The following EYS variants were observed in gnomAD, a reference collection of about 807,000 sequenced individuals.
The protein encoded by EYS is EGF-like photoreceptor maintenance factor, also known as protein eyes shut homolog.
Under a neutral mutation model 282.1 loss-of-function variants are expected in EYS, and 250 were observed. The ratio of observed to expected loss-of-function variants is 0.89; its 90% CI spans 0.80 to 0.98. The LOEUF is 0.98. Among genes scored for constraint, EYS ranks in the 50% least tolerant of loss-of-function variants. EYS has a pLI of 0.00. For synonymous variants in EYS, 1,355 were observed against 1,282.9 expected, an observed-to-expected ratio of 1.06 and a Z score of -1.20; for missense variants, 4,016 against 3,709.0, an observed-to-expected ratio of 1.08 and a Z score of -2.15.
chr6:65,148,758 C>A (rs1364898411), intron 12 of EYS, among the ~76,000 whole-genome samples: 10 of 152,100 alleles, frequency 6.6e-5, no homozygotes, highest in Middle Eastern at 3.2e-3. Context: ...AAACTTCAGC[C>A]TGGACATCCA....
chr6:64,248,776 C>T (rs745782219), intron 30 of EYS, among the ~76,000 whole-genome samples: 14 of 152,034 alleles, frequency 9.2e-5, no homozygotes, highest in East Asian at 1.9e-4. Flanking sequence ...AAAGATCGGC[C>T]GGGTGCAGTG....
intron 30 of EYS, among the ~76,000 whole-genome samples, chr6:64,243,602 C>T (rs777047047): frequency 6.6e-6 from 1 of 152,162 alleles, no homozygotes; most frequent in Non-Finnish European, 1.5e-5. Flanking sequence ...GGACACATGG[C>T]CAAACTCACT....
intron 29 of EYS, among the ~76,000 whole-genome samples, chr6:64,334,649 C>A (rs754047301): frequency 6.6e-6 from 1 of 152,108 alleles, no homozygotes; most frequent in Non-Finnish European, 1.5e-5. Flanking sequence ...GACTTGCTAG[C>A]CATACAGGCA....
At chr6:65,460,615 GC>G (rs1475645035) in intron 5 of EYS, among the ~76,000 whole-genome samples, 3 of 152,000 alleles carry the variant, frequency 2.0e-5, no homozygotes, top group African/African-American at 7.2e-5. Flanking sequence ...CTGACGTAGA[GC>G]CAAAAGCCAG....
intron 22 of EYS, among the ~76,000 whole-genome samples, chr6:64,755,493 TACATACACACACAC>T (rs1172203027): frequency 1.8e-4 from 6 of 32,510 alleles, no homozygotes; most frequent in African/African-American, 4.6e-4. Flanking sequence ...CTTGAGAACA[TACATACACACACAC>T]ACACACACAC....
chr6:64,110,696 GA>G (rs1773175872), intron 31 of EYS, among the ~76,000 whole-genome samples: 2 of 151,924 alleles, frequency 1.3e-5, no homozygotes, highest in Non-Finnish European at 2.9e-5. Flanking sequence ...TTTCTTTAGA[GA>G]ATATGGGAAG....
chr6:65,210,931 AACAC>A (rs59095242), intron 12 of EYS, among the ~76,000 whole-genome samples: 67 of 148,400 alleles, frequency 4.5e-4, no homozygotes, highest in Admixed American at 1.2e-3. Context: ...AAGTCGTACA[AACAC>A]ACACACACAC....
At chr6:64,245,245 T>C (rs1027831111) in intron 30 of EYS, among the ~76,000 whole-genome samples, 3 of 152,140 alleles carry the variant, frequency 2.0e-5, no homozygotes, top group Non-Finnish European at 4.4e-5. Context: ...GATGAGTTCA[T>C]GTCTATTTGG....
intron 26 of EYS, among the ~76,000 whole-genome samples, chr6:64,466,373 GA>G (rs567600229): frequency 1.3e-3 from 198 of 152,144 alleles, no homozygotes; most frequent in African/African-American, 4.6e-3. Context: ...TGGATGAATG[GA>G]TAAAGAAAAT....
chr6:63,974,130 T>C (rs560777658), intron 35 of EYS, among the ~76,000 whole-genome samples: 1 of 152,258 alleles, frequency 6.6e-6, no homozygotes, highest in African/African-American at 2.4e-5. Flanking sequence ...TGCTCTGTTT[T>C]CATTTTGTTT....
chr6:64,617,637 G>A (rs1767316358), intron 23 of EYS, 104 bp from the exon 24 acceptor site: 1 of 697,490 alleles, frequency 1.4e-6, no homozygotes, highest in South Asian at 1.7e-5. Context: ...AAATAATTAT[G>A]CTAGATGTTT....
chr6:64,375,503 A>G (rs929279968), intron 29 of EYS, among the ~76,000 whole-genome samples: 2 of 152,226 alleles, frequency 1.3e-5, no homozygotes, highest in African/African-American at 4.8e-5. Context: ...TGTTGGACAG[A>G]GTTTAACCTA....
At chr6:65,681,985 A>G (rs1004938013) in intron 1 of EYS, among the ~76,000 whole-genome samples, 1 of 151,880 alleles carries the variant, frequency 6.6e-6, no homozygotes, top group African/African-American at 2.4e-5. Context: ...GTTGACCCCT[A>G]CCTAACAAAT....
rs574541012 is a variant in EYS, at chr6:63,991,165, C to G, written c.6835-6562G>C. ...CTGGAAAATCACTTTAATTGGGAGT[C>G]TGCAGGCACAAGTTCAGGGAAGACA... is the stretch of plus-strand genomic sequence containing the variant. On this transcript the variant is annotated intron_variant, in intron 34 of 42. Coordinates refer to ENST00000503581, the MANE Select transcript of EYS (RefSeq NM_001142800.2). Among the ~76,000 whole-genome samples, 10 of 151,752 alleles carry G rather than the reference C, an allele frequency of 6.6e-5. 1 individual carries two copies. Among genetic ancestry groups the G allele is most frequent in the African/African-American group, 2.4e-4 (10 of 41,470 alleles).
At chr6:63,971,464 C>T (rs1262791051) in intron 35 of EYS, among the ~76,000 whole-genome samples, 1 of 152,126 alleles carries the variant, frequency 6.6e-6, no homozygotes, top group Non-Finnish European at 1.5e-5. Flanking sequence ...GAAAATAGCA[C>T]TGGAAGTAGT....
At chr6:64,221,970 A>G (rs980966705) in intron 31 of EYS, among the ~76,000 whole-genome samples, 1 of 152,078 alleles carries the variant, frequency 6.6e-6, no homozygotes, top group Non-Finnish European at 1.5e-5. Flanking sequence ...AAACATTGAG[A>G]TTACACAAAG....
At chr6:64,094,031 G>T (rs1772481473) in intron 31 of EYS, among the ~76,000 whole-genome samples, 1 of 152,066 alleles carries the variant, frequency 6.6e-6, no homozygotes, top group African/African-American at 2.4e-5. Flanking sequence ...TTTTGTCTTT[G>T]GTTCTGTTTA....
chr6:64,137,791 T>C (rs1774210628), intron 31 of EYS, among the ~76,000 whole-genome samples: 1 of 152,090 alleles, frequency 6.6e-6, no homozygotes, highest in Non-Finnish European at 1.5e-5. Flanking sequence ...TAACATATAC[T>C]AATACTGGTA....
At chr6:65,480,451 T>C (rs185842453) in intron 5 of EYS, among the ~76,000 whole-genome samples, 1 of 152,258 alleles carries the variant, frequency 6.6e-6, no homozygotes, top group East Asian at 1.9e-4. Flanking sequence ...ACATATTATA[T>C]TGATTTTAGA....
Sources: gnomAD v4.1 joint callset for allele counts (sites outside exome capture counted in the v4.1 genomes callset) on GRCh38, gnomAD v4.1.1 for gene constraint, MANE v1.5 for transcripts, NCBI Gene and HGNC (gene_info 2026-07-23, HGNC 2026-07-21) for gene names.